Variants in TENM2 observed in about 807,000 individuals in gnomAD.
TENM2 encodes the protein teneurin-2.
A neutral mutation model predicts 245.2 loss-of-function variants in TENM2; 52 were observed. The ratio of observed to expected loss-of-function variants is 0.21; its 90% CI spans 0.17 to 0.27. TENM2 has a LOEUF of 0.27. Ranked by LOEUF, TENM2 falls within the 10% of genes least tolerant of loss-of-function variation. The pLI, the probability that TENM2 is intolerant of heterozygous loss-of-function variation, is 1.00. For synonymous variants in TENM2, 1,363 were observed against 1,438.9 expected (o/e 0.95, Z 1.19); for missense variants, 3,046 against 3,666.8 (o/e 0.83, Z 4.37).
chr5:167,194,962 G>A, the TENM2 span, among the ~76,000 whole-genome samples: 9 of 151,908 alleles, frequency 5.9e-5, no homozygotes, highest in African/African-American at 1.9e-4. Context: ...TAACTACTAC[G>A]CTATATCCCC....
At chr5:168,159,173 C>A (rs1318682616) in intron 12 of TENM2, among the ~76,000 whole-genome samples, 1 of 151,836 alleles carries the variant, frequency 6.6e-6, no homozygotes, top group African/African-American at 2.4e-5. Context: ...TAAAAAGTGT[C>A]TTCAGACAAT....
intron 2 of TENM2, among the ~76,000 whole-genome samples, chr5:167,411,573 AGTGTGTGTGTGTGT>A (rs60856762): frequency 2.8e-5 from 4 of 145,048 alleles, no homozygotes; most frequent in Non-Finnish European, 3.0e-5. Context: ...TGTAGGTGAG[AGTGTGTGTGTGTGT>A]GTGTGTGTGT....
intron 2 of TENM2, among the ~76,000 whole-genome samples, chr5:167,837,519 A>C (rs937622383): frequency 5.3e-5 from 8 of 152,222 alleles, no homozygotes; most frequent in African/African-American, 1.7e-4. Flanking sequence ...GCATTCATTC[A>C]TTTCTAAAGG....
At chr5:167,640,864 T>TATATATCCATATATATATATATATCC (rs1561628784) in intron 2 of TENM2, among the ~76,000 whole-genome samples, 3 of 24,068 alleles carry the variant, frequency 1.2e-4, no homozygotes, top group Non-Finnish European at 1.3e-4. Context: ...TATATCCATA[T>TATATATCCATATATATATATATATCC]ATATATATAT....
the TENM2 span, among the ~76,000 whole-genome samples, chr5:167,276,350 T>G: frequency 1.6e-3 from 227 of 143,714 alleles, no homozygotes; most frequent in African/African-American, 5.7e-3. Flanking sequence ...AGCCTGTTCA[T>G]TTTGTGTGTG....
the TENM2 span, among the ~76,000 whole-genome samples, chr5:167,271,979 C>T: frequency 2.0e-5 from 3 of 152,098 alleles, no homozygotes; most frequent in Admixed American, 6.6e-5. Context: ...GTCTACCCAG[C>T]GGTCACAGGA....
chr5:167,142,400 T>C, the TENM2 span, among the ~76,000 whole-genome samples: 1 of 152,096 alleles, frequency 6.6e-6, no homozygotes, highest in Non-Finnish European at 1.5e-5. Context: ...TCCTGAGTGC[T>C]GTTGTTCTAC....
chr5:167,075,863 A>G, the TENM2 span, among the ~76,000 whole-genome samples: 3 of 152,162 alleles, frequency 2.0e-5, no homozygotes, highest in African/African-American at 7.2e-5. Context: ...GGGCCCTACA[A>G]GGCTTCTGCC....
chr5:168,028,094 A>G (rs1035074047), intron 5 of TENM2, among the ~76,000 whole-genome samples: 5 of 152,204 alleles, frequency 3.3e-5, no homozygotes, highest in South Asian at 2.1e-4. Context: ...AGCAGACCTT[A>G]GAAGGGTGGC....
chr5:167,611,709 G>A (rs1466348809), intron 2 of TENM2, among the ~76,000 whole-genome samples: 1 of 152,104 alleles, frequency 6.6e-6, no homozygotes, highest in Non-Finnish European at 1.5e-5. Flanking sequence ...CCAAAATCAG[G>A]TTGGAGTTGG....
At chr5:168,086,367 C>T (rs1412988952) in intron 7 of TENM2, among the ~76,000 whole-genome samples, 2 of 152,194 alleles carry the variant, frequency 1.3e-5, no homozygotes, top group African/African-American at 2.4e-5. Context: ...CTTTGCCTCT[C>T]GAGCTCTCGT....
intron 2 of TENM2, 21 bp downstream of exon 4, chr5:167,375,494 C>A (rs778054202): frequency 7.1e-6 from 11 of 1,550,188 alleles, no homozygotes; most frequent in Middle Eastern, 3.3e-4. Flanking sequence ...TTCTTAAATA[C>A]CTTTTAACGT....
At position 167,842,454 on chromosome 5, in the gene TENM2, T is replaced by G. The variant is rs142638381; in HGVS notation, c.503-33532T>G. On this transcript the variant is annotated intron_variant, in intron 2 of 28. Coordinates refer to ENST00000518659, the Ensembl canonical transcript of TENM2. ...AAATACAAAAATTAGCTAGGCATGG[T>G]GGCACATGCTTGTGATCCCAGCTAC... Among the ~76,000 whole-genome samples, 86 of 151,692 alleles carry G rather than the reference T, an allele frequency of 5.7e-4. No homozygotes were observed. The East Asian group carries it at 0.016, about 29-fold the overall frequency.
chr5:167,650,767 G>A (rs961061174), intron 2 of TENM2, among the ~76,000 whole-genome samples: 6 of 152,234 alleles, frequency 3.9e-5, no homozygotes, highest in South Asian at 2.1e-4. Context: ...GTATGAGTCC[G>A]TCACCTGGAT....
chr5:168,060,569 C>T (rs1023726879), intron 6 of TENM2, among the ~76,000 whole-genome samples: 6 of 152,216 alleles, frequency 3.9e-5, no homozygotes, highest in African/African-American at 1.4e-4. Flanking sequence ...TTTCGGACCT[C>T]ATTCCCTACT....
At position 167,560,499 on chromosome 5, in the gene TENM2, A is replaced by G. The variant is rs112966954; in HGVS notation, c.502+185026A>G. Among the ~76,000 whole-genome samples, 159 of 152,204 alleles carry G rather than the reference A, an allele frequency of 1.0e-3. 3 individuals carry two copies. The highest frequency in any genetic ancestry group is 3.6e-3 in the African/African-American group (149 of 41,550). ...GTGGTAGTATGTACACCAGAAAGGGAAGAGTGCCACCTGTAAGGGAGCTCT... is the reference window on the plus strand; with the variant it reads ...GTGGTAGTATGTACACCAGAAAGGGGAGAGTGCCACCTGTAAGGGAGCTCT... On this transcript the variant is annotated intron_variant, in intron 2 of 28. Transcript: ENST00000518659.
chr5:167,407,020 C>T (rs2127396462), intron 2 of TENM2, among the ~76,000 whole-genome samples: 1 of 152,210 alleles, frequency 6.6e-6, no homozygotes, highest in African/African-American at 2.4e-5. Flanking sequence ...AAACACACAG[C>T]AGCAATTGAG....
At position 167,705,965 on chromosome 5, in the gene TENM2, TTATATA is replaced by T. The variant is rs368174120; in HGVS notation, c.503-169999_503-169994del. ...GAGTTCCTTCTTTTTCAAGGCTGGG[TTATATA>T]TATATATATATATATATATATTTAT... On this transcript the variant is annotated intron_variant, in intron 2 of 28. Transcript: ENST00000518659. 8.2e-3 allele frequency among the ~76,000 whole-genome samples: 979 copies of T among 119,874 alleles called. 11 individuals are homozygous for T. Among genetic ancestry groups the T allele is most frequent in the African/African-American group, 0.031 (811 of 26,332 alleles). 78.6% of individuals were successfully genotyped at this position (119,874 alleles called of 152,430 possible).
At chr5:167,274,061 AAG>A in the TENM2 span, among the ~76,000 whole-genome samples, 6 of 152,126 alleles carry the variant, frequency 3.9e-5, no homozygotes, top group African/African-American at 7.2e-5. Flanking sequence ...TGTCACAATG[AAG>A]AGACTGACAC....
Sources: allele counts gnomAD v4.1 joint callset (sites outside exome capture counted in the v4.1 genomes callset), GRCh38; gene constraint gnomAD v4.1.1; transcripts MANE v1.5; gene names NCBI Gene and HGNC (gene_info 2026-07-23, HGNC 2026-07-21).